The following MBOAT1 variants were observed in gnomAD, a reference collection of about 807,000 sequenced individuals.
The protein encoded by MBOAT1 is membrane-bound glycerophospholipid O-acyltransferase 1.
A neutral mutation model predicts 64.4 loss-of-function variants in MBOAT1; 67 were observed. That is an observed-to-expected ratio of 1.04 (90% CI 0.85 to 1.27). MBOAT1 has a LOEUF of 1.27. Among genes scored for constraint, MBOAT1 ranks in the 50% most tolerant of loss-of-function variants. The pLI is 0.00. For synonymous variants in MBOAT1, 229 were observed against 218.9 expected (o/e 1.05, Z -0.41); for missense variants, 563 against 604.6 (o/e 0.93, Z 0.72).
At chr6:20,184,913 A>G (rs563760538) in intron 1 of MBOAT1, among the ~76,000 whole-genome samples, 179 of 61,562 alleles carry the variant, frequency 2.9e-3, no homozygotes, top group Admixed American at 9.6e-3. Flanking sequence ...GTGTGTGTGT[A>G]TTTTAGCTAA....
chr6:20,163,625 G>A (rs977938372), intron 1 of MBOAT1, among the ~76,000 whole-genome samples: 2 of 152,046 alleles, frequency 1.3e-5, no homozygotes, highest in East Asian at 1.9e-4. Context: ...CAACCTTCTC[G>A]CATGATTCAA....
intron 4 of MBOAT1, among the ~76,000 whole-genome samples, chr6:20,132,042 C>A (rs914025372): frequency 6.6e-6 from 1 of 152,066 alleles, no homozygotes; most frequent in Non-Finnish European, 1.5e-5. Context: ...ACCATCGCGC[C>A]CGGCTAATTT....
At chr6:20,116,144 C>T (rs1760312384) in intron 9 of MBOAT1, among the ~76,000 whole-genome samples, 1 of 152,060 alleles carries the variant, frequency 6.6e-6, no homozygotes, top group Non-Finnish European at 1.5e-5. Context: ...CCAGCCTGGC[C>T]AACATGGCGA....
intron 1 of MBOAT1, among the ~76,000 whole-genome samples, chr6:20,179,271 C>CA (rs1762441132): frequency 6.6e-6 from 1 of 152,210 alleles, no homozygotes; most frequent in Admixed American, 6.5e-5. Flanking sequence ...GCTTAGGCTG[C>CA]ATGCAGTTGC....
At position 20,212,347 on chromosome 6, in the gene MBOAT1, G is replaced by T; in HGVS notation, c.-113C>A. 1 of 928,674 alleles carries T rather than the reference G, an allele frequency of 1.1e-6. No individual in the cohort carries two copies. Among genetic ancestry groups the T allele is most frequent in the Non-Finnish European group, 1.6e-6 (1 of 620,480 alleles). 57.5% of individuals were successfully genotyped at this position (928,674 alleles called of 1,614,324 possible). On this transcript the variant is annotated 5_prime_UTR_variant, in exon 1 of 13. Coordinates refer to ENST00000324607, the MANE Select transcript of MBOAT1 (RefSeq NM_001080480.3). ...GCCCCGAGAGGCGCACGGCCGCCTG[G>T]TTCGCGGGGGAGCGAACGGGAGGCC...
intron 2 of MBOAT1, among the ~76,000 whole-genome samples, chr6:20,151,766 C>G (rs1195717377): frequency 6.6e-6 from 1 of 152,182 alleles, no homozygotes. Context: ...TAACACCTTT[C>G]AGGGTATTTG....
intron 1 of MBOAT1, among the ~76,000 whole-genome samples, chr6:20,159,855 G>C: frequency 6.6e-6 from 1 of 152,030 alleles, no homozygotes; most frequent in Non-Finnish European, 1.5e-5. Flanking sequence ...CATTTAAAAG[G>C]AATATATACA....
At chr6:20,182,814 A>G (rs1407954330) in intron 1 of MBOAT1, among the ~76,000 whole-genome samples, 18 of 152,054 alleles carry the variant, frequency 1.2e-4, no homozygotes, top group Admixed American at 1.2e-3. Context: ...CTCCACATCA[A>G]AGTTGATATC....
chr6:20,149,396 C>G (rs58990929), intron 3 of MBOAT1, among the ~76,000 whole-genome samples: 1 of 152,048 alleles, frequency 6.6e-6, no homozygotes, highest in Admixed American at 6.5e-5. Context: ...AGCTGACAAG[C>G]TGCAATTTGT....
intron 10 of MBOAT1, among the ~76,000 whole-genome samples, chr6:20,113,345 G>A (rs1488251656): frequency 6.6e-6 from 1 of 152,148 alleles, no homozygotes; most frequent in African/African-American, 2.4e-5. Flanking sequence ...CCTTACAGAC[G>A]CTTACTCCAC....
chr6:20,149,743 T>G (rs561307176), intron 3 of MBOAT1, among the ~76,000 whole-genome samples: 1 of 152,248 alleles, frequency 6.6e-6, no homozygotes, highest in African/African-American at 2.4e-5. Flanking sequence ...AAAAAAATAT[T>G]TTCCCTGGGA....
chr6:20,134,103 T>C (rs843316), intron 4 of MBOAT1, among the ~76,000 whole-genome samples: 83,084 of 152,062 alleles, frequency 0.55, 25,806 homozygotes, highest in Middle Eastern at 0.71. Flanking sequence ...CTTCCCTTTT[T>C]CCTTCTCAGG....
intron 1 of MBOAT1, among the ~76,000 whole-genome samples, chr6:20,189,990 T>A (rs533934656): frequency 1.7e-4 from 26 of 152,136 alleles, no homozygotes; most frequent in East Asian, 1.4e-3. Flanking sequence ...TTTTTTTTTT[T>A]AATTTTTTCT....
At chr6:20,107,562 T>C (rs1341938483) in intron 12 of MBOAT1, among the ~76,000 whole-genome samples, 1 of 152,164 alleles carries the variant, frequency 6.6e-6, no homozygotes, top group African/African-American at 2.4e-5. Context: ...TTTATACATG[T>C]GTCAATTACT....
At chr6:20,158,808 G>A (rs1761767413) in intron 1 of MBOAT1, among the ~76,000 whole-genome samples, 1 of 152,086 alleles carries the variant, frequency 6.6e-6, no homozygotes, top group African/African-American at 2.4e-5. Flanking sequence ...CAGCAGATAC[G>A]TGCAGAAATG....
At chr6:20,125,300 C>A (rs115882041) in intron 7 of MBOAT1, among the ~76,000 whole-genome samples, 1,925 of 152,312 alleles carry the variant, frequency 0.013, 44 homozygotes, top group African/African-American at 0.042. Flanking sequence ...ATAGCAATAG[C>A]ACCTTCCTCA....
chr6:20,198,457 G>C (rs1033649780), intron 1 of MBOAT1, among the ~76,000 whole-genome samples: 4 of 152,170 alleles, frequency 2.6e-5, no homozygotes, highest in Admixed American at 6.5e-5. Context: ...CAGGAAATGA[G>C]ATGCATTAGT....
chr6:20,192,989 T>C (rs1340797046), intron 1 of MBOAT1, among the ~76,000 whole-genome samples: 1 of 136,772 alleles, frequency 7.3e-6, no homozygotes, highest in Admixed American at 8.1e-5. Context: ...TGGTATGCTA[T>C]AATTTCTTTT....
chr6:20,103,280 G>A (rs1349938193), intron 12 of MBOAT1, among the ~76,000 whole-genome samples: 5 of 152,054 alleles, frequency 3.3e-5, no homozygotes, highest in Non-Finnish European at 7.4e-5. Context: ...GTGTAGCCTA[G>A]GCTGATGGGT....
Sources: gnomAD v4.1 joint callset for allele counts (sites outside exome capture counted in the v4.1 genomes callset) on GRCh38, gnomAD v4.1.1 for gene constraint, MANE v1.5 for transcripts, NCBI Gene and HGNC (gene_info 2026-07-23, HGNC 2026-07-21) for gene names.